The following CA10 variants were observed in gnomAD, a reference collection of about 807,000 sequenced individuals.
CA10 encodes the protein carbonic anhydrase-related protein 10.
CA10 carries 14 observed loss-of-function variants against 44.2 expected under a neutral mutation model. That is an observed-to-expected ratio of 0.32 (90% CI 0.21 to 0.50). The LOEUF is 0.50. Among genes scored for constraint, CA10 ranks in the 20% least tolerant of loss-of-function variants. The pLI is 0.99. For missense variants in CA10, 350 were observed against 409.7 expected (o/e 0.85, Z 1.26); for synonymous variants, 159 against 141.6 (o/e 1.12, Z -0.87).
chr17:51,832,696 T>A (rs1908326237), intron 3 of CA10, among the ~76,000 whole-genome samples: 1 of 152,232 alleles, frequency 6.6e-6, no homozygotes, highest in African/African-American at 2.4e-5. Flanking sequence ...TTAAGGTGAT[T>A]TTCTTTAAGT....
chr17:51,976,505 T>C (rs1984467454), intron 2 of CA10, among the ~76,000 whole-genome samples: 1 of 152,144 alleles, frequency 6.6e-6, no homozygotes, highest in Non-Finnish European at 1.5e-5. Context: ...AATACTTATG[T>C]GTCAGACAAG....
chr17:52,105,806 C>T (rs1306691840), intron 1 of CA10, among the ~76,000 whole-genome samples: 2 of 152,168 alleles, frequency 1.3e-5, no homozygotes, highest in Non-Finnish European at 2.9e-5. Flanking sequence ...CATAGTGACT[C>T]ATCTCCAGGC....
At chr17:51,705,995 T>C (rs915986121) in intron 4 of CA10, among the ~76,000 whole-genome samples, 1 of 152,186 alleles carries the variant, frequency 6.6e-6, no homozygotes, top group Non-Finnish European at 1.5e-5. Context: ...AAAAGCATTT[T>C]GAGTAGGAAT....
At chr17:52,044,660 A>C (rs1224594073) in intron 2 of CA10, among the ~76,000 whole-genome samples, 1 of 152,152 alleles carries the variant, frequency 6.6e-6, no homozygotes, top group Non-Finnish European at 1.5e-5. Flanking sequence ...GAACTTCTAG[A>C]CATAAAAAAT....
Position 52,157,993 on chromosome 17 carries a change from G to A in CA10, c.-207C>T. 1.6e-6 allele frequency: 1 copy of A among 609,840 alleles called. No individual in the cohort carries two copies. Among genetic ancestry groups the A allele is most frequent in the Non-Finnish European group, 3.0e-6 (1 of 338,142 alleles). 37.8% of individuals were successfully genotyped at this position (609,840 alleles called of 1,614,324 possible). A position where few individuals can be genotyped will look rare whatever the true frequency, so the allele number is the denominator to read the frequency against. On this transcript the variant is annotated 5_prime_UTR_variant, in exon 1 of 9. Coordinates refer to ENST00000451037, the MANE Select transcript of CA10 (RefSeq NM_020178.5). ...CGGCAAATCTCCCCTCGGGCTCGAC[G>A]GATGTGCGCCCCAGATGTGCTGACA...
chr17:51,655,535 G>T (rs2143291885), intron 4 of CA10, among the ~76,000 whole-genome samples: 1 of 152,328 alleles, frequency 6.6e-6, no homozygotes, highest in South Asian at 2.1e-4. Context: ...CCAGTGGTTT[G>T]CTACCTTCAC....
intron 2 of CA10, among the ~76,000 whole-genome samples, chr17:52,020,699 G>T (rs1986110214): frequency 6.6e-6 from 1 of 151,888 alleles, no homozygotes; most frequent in African/African-American, 2.4e-5. Flanking sequence ...AAGTAGGTTT[G>T]TTACATGGAT....
intron 1 of CA10, among the ~76,000 whole-genome samples, chr17:52,095,844 A>G (rs975171236): frequency 1.2e-4 from 19 of 152,194 alleles, no homozygotes; most frequent in Admixed American, 5.9e-4. Flanking sequence ...TCAGTACCTC[A>G]AAACCATGTT....
chr17:52,073,498 C>T (rs1987739641), intron 1 of CA10, among the ~76,000 whole-genome samples: 3 of 152,130 alleles, frequency 2.0e-5, no homozygotes, highest in Non-Finnish European at 4.4e-5. Flanking sequence ...GATTTTCTGA[C>T]ATAGGATGAG....
intron 4 of CA10, among the ~76,000 whole-genome samples, chr17:51,723,616 T>C (rs1469518099): frequency 6.6e-6 from 1 of 152,154 alleles, no homozygotes; most frequent in Non-Finnish European, 1.5e-5. Context: ...GGGAAGCTTT[T>C]TGAAACTCAG....
At chr17:52,041,592 TAACAC>T in intron 2 of CA10, among the ~76,000 whole-genome samples, 1 of 152,088 alleles carries the variant, frequency 6.6e-6, no homozygotes, top group East Asian at 1.9e-4. Flanking sequence ...TGTGTGGTGA[TAACAC>T]AAGATCTACT....
chr17:51,827,828 T>G (rs1368566974), intron 3 of CA10, among the ~76,000 whole-genome samples: 1 of 152,206 alleles, frequency 6.6e-6, no homozygotes, highest in African/African-American at 2.4e-5. Context: ...CAGCTTTCCT[T>G]AAACTTAGGT....
At chr17:51,710,360 T>C (rs1415486278) in intron 4 of CA10, among the ~76,000 whole-genome samples, 2 of 152,110 alleles carry the variant, frequency 1.3e-5, no homozygotes, top group African/African-American at 4.8e-5. Flanking sequence ...CTCAGGTGCC[T>C]ACAGGCTGGA....
At chr17:51,635,470 G>A (rs1025088808) in intron 7 of CA10, among the ~76,000 whole-genome samples, 4 of 151,804 alleles carry the variant, frequency 2.6e-5, no homozygotes, top group Non-Finnish European at 4.4e-5. Flanking sequence ...CCAAGATCAC[G>A]CCACTGCACT....
chr17:51,817,794 A>G (rs1598060182), intron 3 of CA10, among the ~76,000 whole-genome samples: 1 of 152,140 alleles, frequency 6.6e-6, no homozygotes, highest in East Asian at 1.9e-4. Flanking sequence ...AGATATGCTC[A>G]CGCCCAGTCT....
intron 1 of CA10, among the ~76,000 whole-genome samples, chr17:52,083,054 A>G (rs1988024348): frequency 6.6e-6 from 1 of 152,206 alleles, no homozygotes; most frequent in Non-Finnish European, 1.5e-5. Context: ...AATAAGGAAA[A>G]TGTGTATGTG....
At chr17:51,717,530 T>C (rs1171626783) in intron 4 of CA10, among the ~76,000 whole-genome samples, 7 of 1,674 alleles carry the variant, frequency 4.2e-3, no homozygotes, top group Non-Finnish European at 0.013. Context: ...AAGAAACTGG[T>C]ATATATATAT....
intron 1 of CA10, among the ~76,000 whole-genome samples, chr17:52,080,249 G>A (rs949560408): frequency 1.2e-4 from 18 of 152,092 alleles, no homozygotes; most frequent in Non-Finnish European, 2.6e-4. Flanking sequence ...TCAGGGGATA[G>A]AGACCATCCT....
chr17:52,055,161 C>T (rs1225216770), intron 2 of CA10, among the ~76,000 whole-genome samples: 1 of 151,958 alleles, frequency 6.6e-6, no homozygotes, highest in African/African-American at 2.4e-5. Flanking sequence ...AAGCATTAGA[C>T]TTATCTGAGA....
Sources: allele counts gnomAD v4.1 joint callset (sites outside exome capture counted in the v4.1 genomes callset), GRCh38; gene constraint gnomAD v4.1.1; transcripts MANE v1.5; gene names NCBI Gene and HGNC (gene_info 2026-07-23, HGNC 2026-07-21).